MUSK: variants seen among roughly 807,000 people sequenced by gnomAD.
MUSK encodes muscle, skeletal receptor tyrosine-protein kinase.
A neutral mutation model predicts 88.7 loss-of-function variants in MUSK; 55 were observed. That is an observed-to-expected ratio of 0.62 (90% CI 0.50 to 0.78). The LOEUF (loss-of-function observed/expected upper bound fraction) is 0.78. Ranked by LOEUF, MUSK falls within the 30% of genes least tolerant of loss-of-function variation. The pLI is 0.00. For synonymous variants in MUSK, 387 were observed against 391.9 expected (o/e 0.99, Z 0.15); for missense variants, 1,015 against 1,074.3 (o/e 0.94, Z 0.77).
chr9:110,749,881 A>G (rs2077226218), intron 7 of MUSK, among the ~76,000 whole-genome samples: 1 of 152,174 alleles, frequency 6.6e-6, no homozygotes, highest in South Asian at 2.1e-4. Flanking sequence ...AAGCATATGA[A>G]CAGGAGAAGG....
intron 5 of MUSK, among the ~76,000 whole-genome samples, chr9:110,711,402 GTC>G (rs2076669691): frequency 6.6e-6 from 1 of 152,176 alleles, no homozygotes; most frequent in South Asian, 2.1e-4. Flanking sequence ...GCTGGCAAAG[GTC>G]TCTGAGGAAA....
chr9:110,761,930 G>A (rs10980562), intron 7 of MUSK: 36 of 985,002 alleles, frequency 3.7e-5, no homozygotes, highest in Middle Eastern at 1.0e-3. Context: ...GAAATTCTGA[G>A]CTTAGATATT....
chr9:110,690,203 T>TAA, intron 3 of MUSK, among the ~76,000 whole-genome samples: 1 of 104,580 alleles, frequency 9.6e-6, no homozygotes, highest in African/African-American at 3.9e-5. Context: ...TATAAATATA[T>TAA]ATAAATATAT....
intron 6 of MUSK, among the ~76,000 whole-genome samples, chr9:110,743,299 A>T (rs1299029604): frequency 6.6e-6 from 1 of 152,202 alleles, no homozygotes; most frequent in East Asian, 1.9e-4. Context: ...CTTTCCTCCT[A>T]TGGAAATACC....
At chr9:110,778,189 A>G (rs112249446) in intron 11 of MUSK, among the ~76,000 whole-genome samples, 1 of 152,062 alleles carries the variant, frequency 6.6e-6, no homozygotes, top group Non-Finnish European at 1.5e-5. Flanking sequence ...TTCTTCCTTG[A>G]GCATAGGGAC....
chr9:110,671,812 A>T (rs1033773317), intron 1 of MUSK, among the ~76,000 whole-genome samples: 2 of 152,220 alleles, frequency 1.3e-5, no homozygotes, highest in Non-Finnish European at 2.9e-5. Context: ...GCAATGTTAG[A>T]TTCTGCAGGA....
intron 1 of MUSK, among the ~76,000 whole-genome samples, chr9:110,677,712 T>C (rs529737067): frequency 6.6e-6 from 1 of 152,298 alleles, no homozygotes; most frequent in African/African-American, 2.4e-5. Flanking sequence ...GAATGTATTG[T>C]GTAGTTTTTT....
chr9:110,735,828 A>G (rs933018872), intron 6 of MUSK, among the ~76,000 whole-genome samples: 2 of 152,110 alleles, frequency 1.3e-5, no homozygotes, highest in Admixed American at 6.6e-5. Flanking sequence ...ACATGGCCAG[A>G]GCAGGAAGGA....
In MUSK at chr9:110,730,146, A is replaced by G. The variant is rs956044615; in HGVS notation, c.629-4105A>G. On this transcript the variant is annotated intron_variant, in intron 5 of 14. Transcript: ENST00000374448. ...TAGCCTGCAAGTCTGCTCAAGAGACATTAAAGCCCCAAACTCATGAATAGA... is the reference window on the plus strand; with the variant it reads ...TAGCCTGCAAGTCTGCTCAAGAGACGTTAAAGCCCCAAACTCATGAATAGA... Among the ~76,000 whole-genome samples the G allele has an allele frequency of 2.0e-5, 3 of 152,050 alleles. No individual in the cohort carries two copies. In the East Asian group the frequency reaches 5.8e-4, roughly 30 times the overall value.
intron 14 of MUSK, among the ~76,000 whole-genome samples, chr9:110,789,808 T>A: frequency 6.6e-6 from 1 of 152,086 alleles, no homozygotes; most frequent in East Asian, 1.9e-4. Flanking sequence ...TTTTTGGCGA[T>A]GCTTATTCAA....
At chr9:110,736,818 A>G (rs2077035363) in intron 6 of MUSK, among the ~76,000 whole-genome samples, 1 of 152,130 alleles carries the variant, frequency 6.6e-6, no homozygotes, top group Admixed American at 6.6e-5. Context: ...ACAAGAGGTT[A>G]CTGCTAATCT....
intron 1 of MUSK, among the ~76,000 whole-genome samples, chr9:110,675,144 G>A (rs2076007721): frequency 6.6e-6 from 1 of 151,288 alleles, no homozygotes; most frequent in African/African-American, 2.4e-5. Flanking sequence ...GGTTAAGTGT[G>A]GTTAAGTGAC....
At chr9:110,740,739 A>G (rs1042790389) in intron 6 of MUSK, among the ~76,000 whole-genome samples, 12 of 152,148 alleles carry the variant, frequency 7.9e-5, no homozygotes, top group African/African-American at 2.9e-4. Context: ...TACTGCTTTT[A>G]AATAAAGTTA....
At chr9:110,791,201 G>C (rs866141724) in intron 14 of MUSK, among the ~76,000 whole-genome samples, 13 of 146,258 alleles carry the variant, frequency 8.9e-5, no homozygotes, top group Admixed American at 2.1e-4. Flanking sequence ...CTGAGGTACC[G>C]GGTTCATCTC....
chr9:110,728,259 C>T (rs1052573174), intron 5 of MUSK: 3 of 165,022 alleles, frequency 1.8e-5, no homozygotes, highest in African/African-American at 7.2e-5. Flanking sequence ...TAGCTGAGAT[C>T]CCAGATTGAA....
intron 1 of MUSK, among the ~76,000 whole-genome samples, chr9:110,673,317 C>G (rs765461442): frequency 6.6e-6 from 1 of 152,186 alleles, no homozygotes; most frequent in Non-Finnish European, 1.5e-5. Context: ...AGCTCTATCA[C>G]TTCCTATTTT....
intron 5 of MUSK, among the ~76,000 whole-genome samples, chr9:110,708,011 AC>A (rs2076620782): frequency 6.6e-6 from 1 of 152,158 alleles, no homozygotes; most frequent in South Asian, 2.1e-4. Flanking sequence ...CTATTCAGAA[AC>A]TTTTTATCTG....
chr9:110,785,501 C>T (rs748931425), intron 12 of MUSK, 26 bp from the exon 13 acceptor site: 2 of 1,559,832 alleles, frequency 1.3e-6, no homozygotes, highest in Admixed American at 1.8e-5. Flanking sequence ...TGAGCTCATT[C>T]CTGATCTTGC....
intron 4 of MUSK, among the ~76,000 whole-genome samples, chr9:110,696,589 G>A (rs2076433359): frequency 6.6e-6 from 1 of 152,076 alleles, no homozygotes; most frequent in South Asian, 2.1e-4. Flanking sequence ...AAATCTTGGT[G>A]CATTTCCTAC....
Sources: allele counts gnomAD v4.1 joint callset (sites outside exome capture counted in the v4.1 genomes callset), GRCh38; gene constraint gnomAD v4.1.1; transcripts MANE v1.5; gene names NCBI Gene and HGNC (gene_info 2026-07-23, HGNC 2026-07-21).